SPDYE21: variants seen among roughly 807,000 people sequenced by gnomAD.
SPDYE21 encodes speedy/RINGO cell cycle regulator family member E21.
Under a neutral mutation model 36.2 loss-of-function variants are expected in SPDYE21, and 14 were observed. That is an observed-to-expected ratio of 0.39 (90% CI 0.26 to 0.61). The LOEUF (loss-of-function observed/expected upper bound fraction) is 0.61. Among genes scored for constraint, SPDYE21 ranks in the 20% least tolerant of loss-of-function variants. SPDYE21 has a pLI of 0.55. For synonymous variants in SPDYE21, 58 were observed against 155.1 expected (o/e 0.37, Z 4.65); for missense variants, 233 against 424.6 (o/e 0.55, Z 3.97).
In SPDYE21 at chr7:67,286,071, C is replaced by T. The variant is rs1036620821; in HGVS notation, c.783C>T (p.Asp261=). The change falls in exon 7 of 9, where the codon GAC becomes GAT. Residue 261 remains aspartate (D), a synonymous_variant. Transcript: ENST00000424157. ...ALYLANDMEE[D]DEDSKQNIFH... is the part of the protein sequence containing the mutation. ...ACCTGGCCAATGACATGGAGGAGGA[C>T]GACGAGGACTCCAAACAAAACATCT... 26 of 1,613,350 alleles carry T rather than the reference C, an allele frequency of 1.6e-5. No homozygotes were observed. The Admixed American group carries it at 2.0e-4, about 12-fold the overall frequency.
Position 67,287,586 on chromosome 7 carries a change from G to A in SPDYE21, c.*114G>A, listed in dbSNP as rs116986160. Among the ~76,000 whole-genome samples the A allele has an allele frequency of 0.028, 4,283 of 151,274 alleles. 106 individuals are homozygous for A. The highest frequency in any genetic ancestry group is 0.037 in the Non-Finnish European group (2,526 of 67,902). The stretch of plus-strand genomic sequence containing the variant: ...ATTCCAATGCTAATGGCAGACACCA[G>A]GAAGGAGAAGAGGAACCATTTGTGC... On this transcript the variant is annotated 3_prime_UTR_variant, in exon 9 of 9. Transcript: ENST00000424157.
At position 67,279,848 on chromosome 7, in the gene SPDYE21, G is replaced by A; in HGVS notation, c.191G>A (p.Arg64Lys). 3.8e-6 allele frequency: 6 copies of A among 1,593,272 alleles called. No homozygotes were observed. Among genetic ancestry groups the A allele is most frequent in the Non-Finnish European group, 4.2e-6 (5 of 1,178,478 alleles). Reference protein sequence around the residue: ...APGVDPSPPCRSLGWKRKKEW... With the variant: ...APGVDPSPPCKSLGWKRKKEW... ...GGGGTAGATCCCAGCCCCCCATGTA[G>A]GTCCCTTGGCTGGAAAAGGAAGAAG... The change falls in exon 3 of 9, where the codon AGG becomes AAG. Residue 64 changes from arginine (R) to lysine (K), a missense_variant. Transcript: ENST00000424157.
chr7:67,281,101 A>ACAACAACAAC (rs1457264363), intron 3 of SPDYE21, among the ~76,000 whole-genome samples: 1 of 66,058 alleles, frequency 1.5e-5, no homozygotes, highest in African/African-American at 4.9e-5. Context: ...AACAACAACA[A>ACAACAACAAC]AAAAAAAAAA....
intron 1 of SPDYE21, among the ~76,000 whole-genome samples, chr7:67,277,534 T>C (rs1007375505): frequency 2.0e-5 from 3 of 152,114 alleles, no homozygotes; most frequent in African/African-American, 7.2e-5. Flanking sequence ...TCCTGTCACA[T>C]GAGTCTCCCA....
At chr7:67,277,438 C>A (rs577252234) in intron 1 of SPDYE21, among the ~76,000 whole-genome samples, 2 of 152,192 alleles carry the variant, frequency 1.3e-5, no homozygotes, top group East Asian at 3.9e-4. Context: ...TTTTTTGACA[C>A]AATATCTTGC....
At chr7:67,287,289 C>A (rs1802756140) in intron 8 of SPDYE21, among the ~76,000 whole-genome samples, 1 of 152,202 alleles carries the variant, frequency 6.6e-6, no homozygotes, top group African/African-American at 2.4e-5. Context: ...TGAAGCAGAT[C>A]ACTGGGGCTG....
rs1306885480 is a variant in SPDYE21 at position 67,287,787 on chromosome 7, T to C, written c.*315T>C. ...CTTTCCTGCGGCACCACCACCCTTT[T>C]TATATTGCTGAATTCCAACCTCCCT... is the stretch of plus-strand genomic sequence containing the variant. On this transcript the variant is annotated 3_prime_UTR_variant, in exon 9 of 9. Coordinates refer to ENST00000424157, the MANE Select transcript of SPDYE21 (RefSeq NM_001382715.2). 2.6e-5 allele frequency among the ~76,000 whole-genome samples: 4 copies of C among 151,708 alleles called. No homozygotes were observed. The highest frequency in any genetic ancestry group is 4.4e-5 in the Non-Finnish European group (3 of 67,948).
At chr7:67,278,919 C>A (rs1356570789) in intron 2 of SPDYE21, among the ~76,000 whole-genome samples, 46 bp downstream of exon 2, 2 of 149,716 alleles carry the variant, frequency 1.3e-5, no homozygotes, top group African/African-American at 5.0e-5. Flanking sequence ...TTGACTAAGA[C>A]GAAGGAAGGG....
At chr7:67,284,688 C>A (rs1400913781) in intron 6 of SPDYE21, among the ~76,000 whole-genome samples, 5 of 149,048 alleles carry the variant, frequency 3.4e-5, no homozygotes, top group Admixed American at 2.0e-4. Flanking sequence ...CAGTTCAGGT[C>A]CCCCTCGCAT....
chr7:67,285,181 G>A (rs1207008119), intron 6 of SPDYE21, among the ~76,000 whole-genome samples: 1 of 152,034 alleles, frequency 6.6e-6, no homozygotes, highest in Non-Finnish European at 1.5e-5. Flanking sequence ...CTAGATGCCT[G>A]TAGAAGGCAG....
intron 6 of SPDYE21, among the ~76,000 whole-genome samples, chr7:67,284,906 C>T (rs1335953048): frequency 6.7e-6 from 1 of 149,656 alleles, no homozygotes; most frequent in African/African-American, 2.5e-5. Flanking sequence ...TACAAGCACA[C>T]TGGCTCACCA....
In SPDYE21 at chr7:67,288,950, G is replaced by C. The variant is rs1252950452; in HGVS notation, c.*1478G>C. Among the ~76,000 whole-genome samples the C allele has an allele frequency of 2.1e-5, 3 of 145,924 alleles. No homozygotes were observed. The highest frequency in any genetic ancestry group is 7.6e-5 in the African/African-American group (3 of 39,286). On this transcript the variant is annotated 3_prime_UTR_variant, in exon 9 of 9. Coordinates refer to ENST00000424157, the MANE Select transcript of SPDYE21 (RefSeq NM_001382715.2). ...TGTTTTCAAGAGAACAATAGAGTGC[G>C]TCTCTTGGGGAAACATAATAAAAAT...
chr7:67,282,145 T>C (rs1802651393), intron 4 of SPDYE21, among the ~76,000 whole-genome samples: 1 of 152,076 alleles, frequency 6.6e-6, no homozygotes, highest in Non-Finnish European at 1.5e-5. Context: ...AATAAATTAA[T>C]AAGTAAATAA....
rs1464071857 is a variant in SPDYE21, at chr7:67,286,543, G to A, written c.1150-17G>A. Among the ~76,000 whole-genome samples, 1 of 151,886 alleles carries A rather than the reference G, an allele frequency of 6.6e-6. No homozygotes were observed. The highest frequency in any genetic ancestry group is 1.5e-5 in the Non-Finnish European group (1 of 67,984). On this transcript the variant is annotated splice_polypyrimidine_tract_variant and intron_variant, in intron 7 of 8. Coordinates refer to ENST00000424157, the MANE Select transcript of SPDYE21 (RefSeq NM_001382715.2). ...CTGGCGAGTCCCCGTCTTCTCAAAG[G>A]GCGTTTGTTTTTCCAGATCCAGGCT... is the stretch of plus-strand genomic sequence containing the variant.
chr7:67,281,802 T>G (rs1430823893), intron 4 of SPDYE21, among the ~76,000 whole-genome samples, 198 bp downstream of exon 4: 1 of 152,078 alleles, frequency 6.6e-6, no homozygotes, highest in Non-Finnish European at 1.5e-5. Context: ...GGTCAGTGCT[T>G]GGGATAAGAA....
intron 6 of SPDYE21, among the ~76,000 whole-genome samples, chr7:67,285,450 G>C (rs1042072285): frequency 6.6e-6 from 1 of 151,350 alleles, no homozygotes; most frequent in Admixed American, 6.6e-5. Flanking sequence ...GAATGGAGTG[G>C]CCCAATCTCA....
At chr7:67,285,973 T>C (rs1357243069) in intron 6 of SPDYE21, 71 bp from the exon 7 acceptor site, 5 of 1,611,030 alleles carry the variant, frequency 3.1e-6, no homozygotes, top group Non-Finnish European at 3.4e-6. Context: ...CCTTCCTCTC[T>C]GGGAAGCTGA....
intron 6 of SPDYE21, 56 bp from the exon 7 acceptor site, chr7:67,285,988 A>G (rs938938960): frequency 7.1e-5 from 115 of 1,611,868 alleles, no homozygotes; most frequent in Non-Finnish European, 9.5e-5. Context: ...AGCTGACCTC[A>G]GCCGGAGGCC....
rs1392272366 is a variant in SPDYE21, at chr7:67,288,833, T to C, written c.*1361T>C. Among the ~76,000 whole-genome samples the C allele has an allele frequency of 6.6e-6, 1 of 150,560 alleles. No individual in the cohort carries two copies. The highest frequency in any genetic ancestry group is 2.4e-5 in the African/African-American group (1 of 40,914). ...TGATATTTCATATATATTTGAAATGTGAGAATTCAGATGTAATTTTTTACC... is the reference window on the plus strand; with the variant it reads ...TGATATTTCATATATATTTGAAATGCGAGAATTCAGATGTAATTTTTTACC... On this transcript the variant is annotated 3_prime_UTR_variant, in exon 9 of 9. Transcript: ENST00000424157.
Sources: gnomAD v4.1 joint callset for allele counts (sites outside exome capture counted in the v4.1 genomes callset) on GRCh38, gnomAD v4.1.1 for gene constraint, MANE v1.5 for transcripts, NCBI Gene and HGNC (gene_info 2026-07-23, HGNC 2026-07-21) for gene names.